HTR2C: variants seen among roughly 807,000 people sequenced by gnomAD.
The protein encoded by HTR2C is 5-hydroxytryptamine (serotonin) receptor 2C, G protein-coupled.
HTR2C carries 5 observed loss-of-function variants against 21.0 expected under a neutral mutation model. The ratio of observed to expected loss-of-function variants is 0.24; its 90% CI spans 0.12 to 0.50. The LOEUF (loss-of-function observed/expected upper bound fraction) is 0.50, where lower values mean the gene tolerates loss of function less well. Ranked by LOEUF, HTR2C falls within the 20% of genes least tolerant of loss-of-function variation. HTR2C has a pLI of 0.98. For missense variants in HTR2C, 271 were observed against 371.2 expected, an observed-to-expected ratio of 0.73 and a Z score of 2.22; for synonymous variants, 150 against 145.3, an observed-to-expected ratio of 1.03 and a Z score of -0.23.
intron 2 of HTR2C, among the ~76,000 whole-genome samples, chrX:114,684,023 G>T (rs1402135093): frequency 2.7e-5 from 3 of 111,015 alleles, no homozygotes; most frequent in Admixed American, 1.9e-4. Flanking sequence ...AATGACCCTT[G>T]CCAGCAGTGA....
intron 4 of HTR2C, among the ~76,000 whole-genome samples, chrX:114,745,289 A>G (rs1602741272): frequency 8.9e-6 from 1 of 112,675 alleles, no homozygotes; most frequent in East Asian, 2.8e-4. Flanking sequence ...TCCAAAAGAC[A>G]GGCAATAACA....
At chrX:114,830,352 C>T (rs1337341063) in intron 4 of HTR2C, among the ~76,000 whole-genome samples, 2 of 111,638 alleles carry the variant, frequency 1.8e-5, no homozygotes, top group South Asian at 3.7e-4. Context: ...GTACTAAAAT[C>T]TAAGCCAGGA....
At chrX:114,635,021 C>G (rs1319734055) in intron 2 of HTR2C, among the ~76,000 whole-genome samples, 2 of 111,420 alleles carry the variant, frequency 1.8e-5, no homozygotes, top group African/African-American at 6.5e-5. Context: ...TCTACTTTTC[C>G]TAGGACAGTC....
chrX:114,705,336 C>T (rs2147314325), intron 2 of HTR2C, among the ~76,000 whole-genome samples: 1 of 111,614 alleles, frequency 9.0e-6, no homozygotes, highest in Non-Finnish European at 1.9e-5. Flanking sequence ...ACCAAAACAA[C>T]ATGGTACTGG....
chrX:114,638,631 C>T (rs1556405785), intron 2 of HTR2C, among the ~76,000 whole-genome samples: 1 of 102,704 alleles, frequency 9.7e-6, no homozygotes, highest in Non-Finnish European at 2.0e-5. Flanking sequence ...CCCACTAGCT[C>T]GTCATCTAGC....
intron 5 of HTR2C, among the ~76,000 whole-genome samples, chrX:114,885,703 T>G (rs2071215121): frequency 8.9e-6 from 1 of 111,753 alleles, no homozygotes; most frequent in Non-Finnish European, 1.9e-5. Flanking sequence ...TTTAGGTTAT[T>G]ACTGTCAATT....
At chrX:114,864,437 T>G (rs1479347669) in intron 5 of HTR2C, among the ~76,000 whole-genome samples, 1 of 111,814 alleles carries the variant, frequency 8.9e-6, no homozygotes, top group African/African-American at 3.2e-5. Context: ...CCTCACAATT[T>G]ACATTTTTGA....
At chrX:114,694,727 A>G (rs1026174404) in intron 2 of HTR2C, among the ~76,000 whole-genome samples, 5 of 109,877 alleles carry the variant, frequency 4.6e-5, no homozygotes, top group Non-Finnish European at 9.5e-5. Flanking sequence ...TCCTGACCTC[A>G]GGTGATCTGG....
chrX:114,796,632 C>G (rs2070296099), intron 4 of HTR2C, among the ~76,000 whole-genome samples: 1 of 111,842 alleles, frequency 8.9e-6, no homozygotes, highest in African/African-American at 3.2e-5. Flanking sequence ...CTCCACACCA[C>G]AGGGCCATCT....
intron 4 of HTR2C, among the ~76,000 whole-genome samples, chrX:114,829,472 A>T (rs1556459810): frequency 1.0e-5 from 1 of 95,584 alleles, no homozygotes; most frequent in African/African-American, 3.6e-5. Flanking sequence ...TGCAGAAAAA[A>T]TTTTTAATTT....
Position 114,779,000 on chromosome X carries a change from G to A in HTR2C, c.349+47393G>A, listed in dbSNP as rs781833513. Among the ~76,000 whole-genome samples, 20 of 111,955 alleles carry A rather than the reference G, an allele frequency of 1.8e-4. No individual in the cohort carries two copies. The East Asian group carries it at 2.0e-3, about 11-fold the overall frequency. On this transcript the variant is annotated intron_variant, in intron 4 of 5. Transcript: ENST00000276198. Reference sequence around the variant, plus strand: ...GTGATTAAACAGAATTAAAAGTTCCGTATATAAATCTTATGTTCTTAATTA... The same window carrying A: ...GTGATTAAACAGAATTAAAAGTTCCATATATAAATCTTATGTTCTTAATTA...
At position 114,834,732 on chromosome X, in the gene HTR2C, A is replaced by C. The variant is rs1262172149; in HGVS notation, c.350-13271A>C. Among the ~76,000 whole-genome samples the C allele has an allele frequency of 7.6e-5, 8 of 104,794 alleles. No homozygotes were observed. In the South Asian group the frequency reaches 1.9e-3, roughly 25 times the overall value. 91.0% of individuals were successfully genotyped at this position (104,794 alleles called of 115,157 possible). On this transcript the variant is annotated intron_variant, in intron 4 of 5. Coordinates refer to ENST00000276198, the MANE Select transcript of HTR2C (RefSeq NM_000868.4). Reference sequence around the variant, plus strand: ...TTAAAGTTAATATTGTTATGTGTGAATTTGATCCTGTCATTATGATGTTAG... The same window carrying C: ...TTAAAGTTAATATTGTTATGTGTGACTTTGATCCTGTCATTATGATGTTAG...
intron 5 of HTR2C, chrX:114,900,397 C>A: frequency 3.9e-6 from 1 of 257,518 alleles, no homozygotes; most frequent in Non-Finnish European, 7.4e-6. Flanking sequence ...ACCTTGCCAG[C>A]TCCAACAGCC....
At chrX:114,626,388 CA>C (rs59357830) in intron 2 of HTR2C, among the ~76,000 whole-genome samples, 394 of 78,376 alleles carry the variant, frequency 5.0e-3, no homozygotes, top group African/African-American at 0.015. Context: ...GACCCTGTCA[CA>C]AAAAAAAAAA....
intron 3 of HTR2C, among the ~76,000 whole-genome samples, chrX:114,728,330 G>A (rs1447039127): frequency 9.0e-6 from 1 of 110,850 alleles, no homozygotes; most frequent in Non-Finnish European, 1.9e-5. Context: ...AAAACAATTA[G>A]GATAAACTTT....
chrX:114,806,326 C>A (rs950733375), intron 4 of HTR2C, among the ~76,000 whole-genome samples: 25 of 97,655 alleles, frequency 2.6e-4, no homozygotes, highest in African/African-American at 8.9e-4. Context: ...CATATATACA[C>A]CATATATATA....
intron 4 of HTR2C, among the ~76,000 whole-genome samples, chrX:114,757,471 A>T (rs1398543090): frequency 8.9e-6 from 1 of 111,803 alleles, no homozygotes; most frequent in African/African-American, 3.2e-5. Flanking sequence ...AAAACAGGAG[A>T]ACTCCAAAAT....
intron 2 of HTR2C, chrX:114,630,824 C>T (rs781874813): frequency 1.6e-5 from 6 of 369,649 alleles, no homozygotes; most frequent in South Asian, 1.2e-4. Flanking sequence ...CCATTGGGCT[C>T]CATCTTGACC....
At chrX:114,855,746 CTTTTTTTTTTTTTTTTT>C (rs782183285) in intron 5 of HTR2C, among the ~76,000 whole-genome samples, 52 of 17,930 alleles carry the variant, frequency 2.9e-3, no homozygotes, top group African/African-American at 0.01. Flanking sequence ...AAGCAACCAT[CTTTTTTTTTTTTTTTTT>C]TTTTTTTTTT....
Sources: allele counts gnomAD v4.1 joint callset (sites outside exome capture counted in the v4.1 genomes callset), GRCh38; gene constraint gnomAD v4.1.1; transcripts MANE v1.5; gene names NCBI Gene and HGNC (gene_info 2026-07-23, HGNC 2026-07-21).